The following OR52N4 variants were observed in gnomAD, a reference collection of about 807,000 sequenced individuals.
The protein encoded by OR52N4 is olfactory receptor 52N4.
Under a neutral mutation model 15.0 loss-of-function variants are expected in OR52N4, and 15 were observed. That is an observed-to-expected ratio of 1.00 (90% CI 0.67 to 1.54). The LOEUF (loss-of-function observed/expected upper bound fraction) is 1.54, where lower values mean the gene tolerates loss of function less well. Ranked by LOEUF, OR52N4 falls within the 40% of genes most tolerant of loss-of-function variation. The pLI, the probability that OR52N4 is intolerant of heterozygous loss-of-function variation, is 0.00. For synonymous variants in OR52N4, 143 were observed against 143.7 expected (o/e 1.00, Z 0.03); for missense variants, 421 against 394.0 (o/e 1.07, Z -0.58).
chr11:5,747,701 G>A, the OR52N4 span, among the ~76,000 whole-genome samples: 7 of 151,880 alleles, frequency 4.6e-5, no homozygotes, highest in African/African-American at 7.3e-5. Flanking sequence ...TCTCAATCAC[G>A]TGTAAAACAT....
In OR52N4 at chr11:5,755,418, A is replaced by G; in HGVS notation, c.678A>G (p.Ala226=). The G allele has an allele frequency of 6.2e-7, 1 of 1,614,046 alleles. No individual in the cohort carries two copies. Among genetic ancestry groups the G allele is most frequent in the Non-Finnish European group, 8.5e-7 (1 of 1,179,956 alleles). Residue 226 remains alanine, a synonymous_variant, in exon 2 of 2, where the codon GCA becomes GCG. Coordinates refer to ENST00000641350, the MANE Select transcript of OR52N4 (RefSeq NM_001005175.5). ...ACTCCTATACCATGATTCTCCGGGCAGTGGTCAGCCTCTCCTCAGCAGATG... is the reference window on the plus strand; with the variant it reads ...ACTCCTATACCATGATTCTCCGGGCGGTGGTCAGCCTCTCCTCAGCAGATG... ...ITNSYTMILR[A]VVSLSSADAR...
At chr11:5,729,124 T>C in the OR52N4 span, among the ~76,000 whole-genome samples, 9 of 136,514 alleles carry the variant, frequency 6.6e-5, no homozygotes, top group Admixed American at 2.2e-4. Flanking sequence ...ATTTTTTTTT[T>C]TTTTTTTTTT....
At position 5,754,797 on chromosome 11, in the gene OR52N4, C is replaced by T. The variant is rs752632287; in HGVS notation, c.57C>T (p.Val19=). 1.9e-6 allele frequency: 3 copies of T among 1,613,426 alleles called. No homozygotes were observed. The highest frequency in any genetic ancestry group is 8.5e-7 in the Non-Finnish European group (1 of 1,179,582). ...LIPASFILNG[V]PGLEDTQLWI... ...CAGCTTCATTTATTCTGAATGGAGT[C>T]CCAGGACTGGAAGACACACAACTCT... is the stretch of plus-strand genomic sequence containing the variant. The change falls in exon 2 of 2, where the codon GTC becomes GTT. Residue 19 remains valine, a synonymous_variant. Transcript: ENST00000641350.
the OR52N4 span, among the ~76,000 whole-genome samples, chr11:5,731,518 G>T: frequency 1.3e-5 from 2 of 152,166 alleles, no homozygotes; most frequent in Non-Finnish European, 2.9e-5. Flanking sequence ...TCATTAATCT[G>T]CAGCTTCCTT....
chr11:5,736,565 C>T, the OR52N4 span: 1 of 1,613,824 alleles, frequency 6.2e-7, no homozygotes, highest in Non-Finnish European at 8.5e-7. Context: ...CTCCAAATTC[C>T]AGGTCTCTGA....
chr11:5,753,237 T>A (rs1854225352), upstream of OR52N4, among the ~76,000 whole-genome samples: 1 of 152,182 alleles, frequency 6.6e-6, no homozygotes, highest in Non-Finnish European at 1.5e-5. Context: ...CTACCAGCAG[T>A]AAATGAGAGT....
At chr11:5,736,383 A>G in the OR52N4 span, 2 of 738,964 alleles carry the variant, frequency 2.7e-6, no homozygotes, top group Non-Finnish European at 2.3e-6. Context: ...AAACAAGCAC[A>G]TCCATTTAAT....
At chr11:5,734,757 C>A in the OR52N4 span, among the ~76,000 whole-genome samples, 5 of 152,142 alleles carry the variant, frequency 3.3e-5, no homozygotes, top group East Asian at 7.7e-4. Context: ...CATACTTCCA[C>A]GCATCCAGGA....
chr11:5,738,499 C>T, the OR52N4 span: 46 of 152,034 alleles, frequency 3.0e-4, no homozygotes, highest in African/African-American at 1.1e-3. Flanking sequence ...TCAATACCAA[C>T]TTCATTAAAT....
chr11:5,734,176 C>T, the OR52N4 span: 1 of 456,328 alleles, frequency 2.2e-6, no homozygotes, highest in African/African-American at 2.0e-5. Flanking sequence ...TGTCTTTGCC[C>T]AGTAGAAAAC....
chr11:5,727,750 G>T, the OR52N4 span, among the ~76,000 whole-genome samples: 1 of 152,172 alleles, frequency 6.6e-6, no homozygotes, highest in Non-Finnish European at 1.5e-5. Flanking sequence ...AAGAGTCCCT[G>T]CATAGCCATA....
chr11:5,748,607 T>A, the OR52N4 span, among the ~76,000 whole-genome samples: 3 of 152,066 alleles, frequency 2.0e-5, 1 homozygote, highest in African/African-American at 7.2e-5. Context: ...GGGGCCATAT[T>A]TGCATAGTTC....
At chr11:5,737,263 T>C in the OR52N4 span, 1 of 1,614,142 alleles carries the variant, frequency 6.2e-7, no homozygotes, top group Non-Finnish European at 8.5e-7. Flanking sequence ...CCCTGAGCAC[T>C]TGTAGTTCAC....
chr11:5,736,999 T>C, the OR52N4 span: 2 of 1,614,140 alleles, frequency 1.2e-6, no homozygotes, highest in South Asian at 1.1e-5. Flanking sequence ...TGCTGAGAAA[T>C]GGCTTATTTG....
At chr11:5,734,287 A>G in the OR52N4 span, 1 of 448,712 alleles carries the variant, frequency 2.2e-6, no homozygotes, top group South Asian at 1.6e-5. Context: ...CAGAGAGTTC[A>G]ATGGCTTATC....
chr11:5,740,979 A>T, the OR52N4 span, among the ~76,000 whole-genome samples: 123,994 of 126,210 alleles, frequency 0.98, 61,397 homozygotes, highest in East Asian at 1. Context: ...GATATCTGAA[A>T]GGATGACCTT....
the OR52N4 span, among the ~76,000 whole-genome samples, chr11:5,747,615 G>A: frequency 1.3e-5 from 2 of 151,780 alleles, no homozygotes; most frequent in East Asian, 1.9e-4. Context: ...ACAAAAAATC[G>A]GTAAACCTAA....
rs202069164 is a variant in OR52N4 at position 5,755,138 on chromosome 11, G to T, written c.398G>T (p.Arg133Leu). The T allele has an allele frequency of 3.1e-6, 5 of 1,613,980 alleles. No individual in the cohort carries two copies. In the Admixed American group the frequency reaches 6.7e-5, roughly 22 times the overall value. Residue 133 changes from arginine to leucine, a missense_variant, in exon 2 of 2, where the codon CGC (arginine) becomes CTC (leucine). Arg to Leu is a moderately radical substitution (Grantham distance 102, BLOSUM62 -2). Transcript: ENST00000641350. ...TATGTGGCCATCTGCTACCCCTTAC[G>T]CTATTCAACTATCCTCACCAATCCT... ...DRYVAICYPL[R>L]YSTILTNPVI...
the OR52N4 span, chr11:5,737,773 G>C: frequency 1.1e-5 from 3 of 274,840 alleles, no homozygotes; most frequent in Non-Finnish European, 2.1e-5. Context: ...AAATAAAAAT[G>C]AATATAATCA....
Sources: allele counts gnomAD v4.1 joint callset (sites outside exome capture counted in the v4.1 genomes callset), GRCh38; gene constraint gnomAD v4.1.1; transcripts MANE v1.5; gene names NCBI Gene and HGNC (gene_info 2026-07-23, HGNC 2026-07-21).